The following PTPRD variants were observed in gnomAD, a reference collection of about 807,000 sequenced individuals.
PTPRD encodes the protein protein tyrosine phosphatase receptor type D, also known as receptor-type tyrosine-protein phosphatase delta.
In PTPRD, 34 loss-of-function variants were observed where a neutral mutation model predicts 214.5. The ratio of observed to expected loss-of-function variants is 0.16; its 90% CI spans 0.12 to 0.21. The LOEUF (loss-of-function observed/expected upper bound fraction) is 0.21. PTPRD is among the 10% of genes least tolerant of loss of function. The pLI is 1.00. For missense variants in PTPRD, 2,545 were observed against 2,398.7 expected, an observed-to-expected ratio of 1.06 and a Z score of -1.27; for synonymous variants, 1,128 against 845.7, an observed-to-expected ratio of 1.33 and a Z score of -5.79.
chr9:9,077,553 T>G (rs963162103), intron 10 of PTPRD, among the ~76,000 whole-genome samples: 6 of 152,094 alleles, frequency 3.9e-5, no homozygotes, highest in Non-Finnish European at 5.9e-5. Context: ...TTTATGTTTA[T>G]AGAGATCCAC....
chr9:10,257,522 G>C (rs2093372520), intron 3 of PTPRD, among the ~76,000 whole-genome samples: 1 of 152,182 alleles, frequency 6.6e-6, no homozygotes, highest in Admixed American at 6.5e-5. Flanking sequence ...AGAAATAAAA[G>C]AGTAATGATA....
intron 9 of PTPRD, among the ~76,000 whole-genome samples, chr9:9,374,653 A>G (rs1484119828): frequency 1.3e-5 from 2 of 152,208 alleles, no homozygotes; most frequent in African/African-American, 2.4e-5. Flanking sequence ...AAAACCCTCA[A>G]TACGTTGTAA....
intron 10 of PTPRD, among the ~76,000 whole-genome samples, chr9:9,098,927 A>C (rs544127820): frequency 6.6e-6 from 1 of 152,332 alleles, no homozygotes; most frequent in South Asian, 2.1e-4. Context: ...TAGATAAAGA[A>C]ATGAATACAG....
chr9:10,480,443 G>C (rs2099090401), intron 2 of PTPRD, among the ~76,000 whole-genome samples: 1 of 152,084 alleles, frequency 6.6e-6, no homozygotes, highest in Non-Finnish European at 1.5e-5. Flanking sequence ...GAGAAGGTGA[G>C]TCAATGCAAT....
At chr9:9,610,536 A>C (rs546427390) in intron 7 of PTPRD, among the ~76,000 whole-genome samples, 1 of 152,272 alleles carries the variant, frequency 6.6e-6, no homozygotes, top group Non-Finnish European at 1.5e-5. Context: ...TTTTAGGACA[A>C]ATTAGTGAGA....
At chr9:8,462,249 C>T (rs2096432307) in intron 32 of PTPRD, among the ~76,000 whole-genome samples, 1 of 151,848 alleles carries the variant, frequency 6.6e-6, no homozygotes, top group Non-Finnish European at 1.5e-5. Context: ...CTGATTTTAC[C>T]TTACAGAAAA....
chr9:9,874,135 A>C (rs1773713176), intron 5 of PTPRD, among the ~76,000 whole-genome samples: 1 of 152,156 alleles, frequency 6.6e-6, no homozygotes, highest in African/African-American at 2.4e-5. Flanking sequence ...GTAAAACAAA[A>C]AGAAGGGTAA....
At chr9:10,456,000 G>C (rs958164256) in intron 2 of PTPRD, among the ~76,000 whole-genome samples, 13 of 151,592 alleles carry the variant, frequency 8.6e-5, no homozygotes, top group African/African-American at 3.1e-4. Flanking sequence ...AGCTGTCTTT[G>C]TTATAAGCCA....
At chr9:9,285,883 T>C (rs534472422) in intron 9 of PTPRD, among the ~76,000 whole-genome samples, 1 of 151,936 alleles carries the variant, frequency 6.6e-6, no homozygotes, top group East Asian at 2.0e-4. Context: ...TCTGTATCTA[T>C]ATCTATATCT....
intron 3 of PTPRD, among the ~76,000 whole-genome samples, chr9:10,057,635 G>T (rs1290718319): frequency 6.6e-6 from 1 of 152,088 alleles, no homozygotes; most frequent in Non-Finnish European, 1.5e-5. Flanking sequence ...ACGAGGTCAG[G>T]AGTTACAGAC....
At chr9:9,068,345 C>G (rs889623889) in intron 10 of PTPRD, among the ~76,000 whole-genome samples, 1 of 152,172 alleles carries the variant, frequency 6.6e-6, no homozygotes, top group Admixed American at 6.5e-5. Context: ...AGGTTTCCCC[C>G]TCCCAGGATA....
At chr9:10,250,384 C>T (rs1703821404) in intron 3 of PTPRD, among the ~76,000 whole-genome samples, 1 of 152,056 alleles carries the variant, frequency 6.6e-6, no homozygotes, top group Non-Finnish European at 1.5e-5. Flanking sequence ...CTTTTGAACT[C>T]CTGCCAAGAC....
At chr9:9,560,092 C>G (rs2082523411) in intron 8 of PTPRD, among the ~76,000 whole-genome samples, 1 of 152,210 alleles carries the variant, frequency 6.6e-6, no homozygotes, top group African/African-American at 2.4e-5. Flanking sequence ...ACAGCAGGTA[C>G]TCTTTGAACT....
At chr9:10,348,319 G>C (rs1293238851) in intron 2 of PTPRD, among the ~76,000 whole-genome samples, 1 of 152,058 alleles carries the variant, frequency 6.6e-6, no homozygotes, top group Non-Finnish European at 1.5e-5. Flanking sequence ...ATGAAATGTT[G>C]TTATCTAAGT....
intron 11 of PTPRD, among the ~76,000 whole-genome samples, chr9:8,746,325 G>T (rs570067289): frequency 6.6e-6 from 1 of 152,086 alleles, no homozygotes; most frequent in Admixed American, 6.5e-5. Flanking sequence ...AGAAGTTGGC[G>T]TTACAAAGTG....
chr9:9,463,368 T>C (rs992686019), intron 8 of PTPRD, among the ~76,000 whole-genome samples: 32 of 150,888 alleles, frequency 2.1e-4, no homozygotes, highest in Admixed American at 2.1e-3. Context: ...GATGAGAGAG[T>C]GGGTTGGAAG....
chr9:9,663,039 T>C (rs1334114518), intron 7 of PTPRD, among the ~76,000 whole-genome samples: 1 of 151,606 alleles, frequency 6.6e-6, no homozygotes, highest in Non-Finnish European at 1.5e-5. Context: ...GATTCCTATC[T>C]AATTTTGAGA....
intron 2 of PTPRD, among the ~76,000 whole-genome samples, chr9:10,490,161 T>C (rs980623917): frequency 6.6e-6 from 1 of 152,182 alleles, no homozygotes; most frequent in Non-Finnish European, 1.5e-5. Flanking sequence ...GGAAATCTTT[T>C]GGAGGGATAT....
intron 7 of PTPRD, among the ~76,000 whole-genome samples, chr9:9,618,266 C>G (rs929034256): frequency 6.6e-6 from 1 of 151,560 alleles, no homozygotes; most frequent in Non-Finnish European, 1.5e-5. Flanking sequence ...TTATACTAAC[C>G]CTTCCGGGAA....
Sources: allele counts gnomAD v4.1 joint callset (sites outside exome capture counted in the v4.1 genomes callset), GRCh38; gene constraint gnomAD v4.1.1; transcripts MANE v1.5; gene names NCBI Gene and HGNC (gene_info 2026-07-23, HGNC 2026-07-21).